The following SFMBT1 variants were observed in gnomAD, a reference collection of about 807,000 sequenced individuals.
The protein encoded by SFMBT1 is scm-like with four MBT domains protein 1.
SFMBT1 carries 32 observed loss-of-function variants against 108.7 expected under a neutral mutation model. The ratio of observed to expected loss-of-function variants is 0.29; its 90% confidence interval spans 0.22 to 0.40. SFMBT1 has a LOEUF of 0.40. Ranked by LOEUF, SFMBT1 falls within the 10% of genes least tolerant of loss-of-function variation. SFMBT1 has a pLI of 1.00. For synonymous variants in SFMBT1, 348 were observed against 369.5 expected, an observed-to-expected ratio of 0.94 and a Z score of 0.67; for missense variants, 816 against 1,059.6, an observed-to-expected ratio of 0.77 and a Z score of 3.19.
intron 1 of SFMBT1, among the ~76,000 whole-genome samples, chr3:52,988,879 G>A (rs1224389185): frequency 2.0e-5 from 3 of 152,146 alleles, no homozygotes; most frequent in African/African-American, 7.2e-5. Flanking sequence ...TATTTCCAAA[G>A]CGCAGCAGGA....
At chr3:52,947,396 C>T (rs1017676378) in intron 3 of SFMBT1, among the ~76,000 whole-genome samples, 4 of 152,148 alleles carry the variant, frequency 2.6e-5, no homozygotes, top group African/African-American at 9.6e-5. Context: ...GGATTACAGG[C>T]GTGAGCCACC....
intron 4 of SFMBT1, among the ~76,000 whole-genome samples, chr3:52,937,892 CTT>C (rs367773323): frequency 1.2e-3 from 189 of 152,122 alleles, no homozygotes; most frequent in African/African-American, 4.3e-3. Context: ...ACGATTTACT[CTT>C]TTATTTTGAA....
In SFMBT1 at chr3:52,999,605, C is replaced by T. The variant is rs1300491382; in HGVS notation, c.-130-30347G>A. ...TCAAACGCTCCAGAAGACAGGAGTT[C>T]GTGTCCTTGCCCCTAACCACTGCTG... On this transcript the variant is annotated intron_variant, in intron 1 of 20. Transcript: ENST00000394752. 2.7e-5 allele frequency among the ~76,000 whole-genome samples: 4 copies of T among 150,372 alleles called. 1 individual carries two copies. Among genetic ancestry groups the T allele is most frequent in the East Asian group, 3.9e-4 (2 of 5,114 alleles).
chr3:53,046,064 A>G lies in SFMBT1; in HGVS notation c.-379T>C, dbSNP rs1338622282. ...GCGGCGGCGCTCCGCGCTCCGACTC[A>G]TTCCAATATGGCACGGACGCAGGGC... On this transcript the variant is annotated 5_prime_UTR_variant, in exon 1 of 21. It removes an upstream start codon present in the reference 5' UTR. Coordinates refer to ENST00000394752, the MANE Select transcript of SFMBT1 (RefSeq NM_016329.4). 5 of 149,678 alleles carry G rather than the reference A, an allele frequency of 3.3e-5. No homozygotes were observed. Among genetic ancestry groups the G allele is most frequent in the Non-Finnish European group, 5.9e-5 (4 of 67,320 alleles). 9.3% of individuals were successfully genotyped at this position (149,678 alleles called of 1,614,324 possible).
intron 1 of SFMBT1, among the ~76,000 whole-genome samples, chr3:52,991,510 A>C (rs995797814): frequency 1.3e-5 from 2 of 151,312 alleles, no homozygotes; most frequent in Non-Finnish European, 2.9e-5. Flanking sequence ...ATGCCTGGCT[A>C]ATTTTTGTAT....
At chr3:52,974,666 C>G (rs141613813) in intron 1 of SFMBT1, among the ~76,000 whole-genome samples, 1 of 151,640 alleles carries the variant, frequency 6.6e-6, no homozygotes, top group Non-Finnish European at 1.5e-5. Flanking sequence ...TTCAATTTTG[C>G]GAGAAAAATC....
chr3:52,978,872 C>T (rs34943350), intron 1 of SFMBT1, among the ~76,000 whole-genome samples: 10,334 of 152,118 alleles, frequency 0.068, 428 homozygotes, highest in Non-Finnish European at 0.094. Context: ...ACATATTATA[C>T]GCTTCCATTT....
At chr3:52,983,061 A>G (rs1704772302) in intron 1 of SFMBT1, among the ~76,000 whole-genome samples, 1 of 151,710 alleles carries the variant, frequency 6.6e-6, no homozygotes, top group South Asian at 2.1e-4. Flanking sequence ...GACAGAAACT[A>G]TAATGTTATT....
chr3:53,010,484 T>C (rs1347375422), intron 1 of SFMBT1, among the ~76,000 whole-genome samples: 2 of 152,170 alleles, frequency 1.3e-5, no homozygotes, highest in Non-Finnish European at 2.9e-5. Flanking sequence ...AGAGATGCTT[T>C]TGGGAGGAGG....
chr3:53,033,897 C>G (rs1416255419), intron 1 of SFMBT1, among the ~76,000 whole-genome samples: 1 of 151,754 alleles, frequency 6.6e-6, no homozygotes, highest in Non-Finnish European at 1.5e-5. Flanking sequence ...TGGAGAAACC[C>G]TGTCTCTACT....
At chr3:52,982,450 C>T (rs576665299) in intron 1 of SFMBT1, among the ~76,000 whole-genome samples, 15 of 152,210 alleles carry the variant, frequency 9.9e-5, no homozygotes, top group Non-Finnish European at 1.5e-4. Context: ...GATCATGGGC[C>T]GGACGCGGTG....
chr3:52,933,505 T>C (rs1200615431), intron 5 of SFMBT1, among the ~76,000 whole-genome samples: 1 of 151,894 alleles, frequency 6.6e-6, no homozygotes, highest in African/African-American at 2.4e-5. Context: ...GACACTTACA[T>C]ATCCAGATAT....
At chr3:52,964,007 T>A (rs1325302544) in intron 2 of SFMBT1, among the ~76,000 whole-genome samples, 1 of 152,108 alleles carries the variant, frequency 6.6e-6, no homozygotes, top group East Asian at 1.9e-4. Context: ...TAACCCTGTT[T>A]TATTTTTGTT....
chr3:52,927,608 CATTA>C (rs1702696229), intron 9 of SFMBT1, among the ~76,000 whole-genome samples: 1 of 152,128 alleles, frequency 6.6e-6, no homozygotes, highest in African/African-American at 2.4e-5. Flanking sequence ...TCAACTAACC[CATTA>C]ATTAAGGGCC....
intron 4 of SFMBT1, among the ~76,000 whole-genome samples, chr3:52,935,514 T>C (rs1702979866): frequency 6.6e-6 from 1 of 152,192 alleles, no homozygotes; most frequent in Admixed American, 6.5e-5. Flanking sequence ...ATGCCTGGCT[T>C]ATACCCTCAC....
Position 52,904,439 on chromosome 3 carries a change from A to G in SFMBT1, c.*697T>C, listed in dbSNP as rs1336395055. On this transcript the variant is annotated 3_prime_UTR_variant, in exon 21 of 21. Transcript: ENST00000394752. The stretch of plus-strand genomic sequence containing the variant: ...AAGCAAACAGTTTCCCCCCCTCCAA[A>G]TTCTGTCATAATTTTAGTGTTTATG... 1 of 152,276 alleles carries G rather than the reference A, an allele frequency of 6.6e-6. No individual in the cohort carries two copies. Among genetic ancestry groups the G allele is most frequent in the Non-Finnish European group, 1.5e-5 (1 of 68,032 alleles). 9.4% of individuals were successfully genotyped at this position (152,276 alleles called of 1,614,324 possible).
At chr3:52,928,647 T>TAC (rs1158585037) in intron 8 of SFMBT1, among the ~76,000 whole-genome samples, 1 of 108,040 alleles carries the variant, frequency 9.3e-6, no homozygotes, top group African/African-American at 3.4e-5. Context: ...CATATATATA[T>TAC]ATATATACAC....
intron 1 of SFMBT1, among the ~76,000 whole-genome samples, chr3:53,002,822 T>C (rs1301406295): frequency 6.6e-6 from 1 of 150,442 alleles, no homozygotes; most frequent in Non-Finnish European, 1.5e-5. Flanking sequence ...GAAAATATAA[T>C]GTAAGTTAAA....
At chr3:53,042,389 G>A (rs998122644) in intron 1 of SFMBT1, among the ~76,000 whole-genome samples, 7 of 152,216 alleles carry the variant, frequency 4.6e-5, no homozygotes, top group African/African-American at 1.4e-4. Context: ...ACCCAGGCTG[G>A]AGTGCAGCAG....
Sources: gnomAD v4.1 joint callset for allele counts (sites outside exome capture counted in the v4.1 genomes callset) on GRCh38, gnomAD v4.1.1 for gene constraint, MANE v1.5 for transcripts, NCBI Gene and HGNC (gene_info 2026-07-23, HGNC 2026-07-21) for gene names.